TRPC4AP: variants seen among roughly 807,000 people sequenced by gnomAD.
The protein encoded by TRPC4AP is transient receptor potential cation channel subfamily C member 4 associated protein.
A neutral mutation model predicts 99.0 loss-of-function variants in TRPC4AP; 45 were observed. That is an observed-to-expected ratio of 0.45 (90% CI 0.36 to 0.58). The LOEUF (loss-of-function observed/expected upper bound fraction) is 0.58. Among genes scored for constraint, TRPC4AP ranks in the 20% least tolerant of loss-of-function variants. The probability of loss-of-function intolerance (pLI) is 0.00; values close to 1 mark genes in which losing one functional copy is unlikely to be tolerated. For synonymous variants in TRPC4AP, 408 were observed against 385.8 expected, an observed-to-expected ratio of 1.06 and a Z score of -0.67; for missense variants, 879 against 985.3, an observed-to-expected ratio of 0.89 and a Z score of 1.44.
At chr20:35,043,043 A>G (rs1284338694) in intron 7 of TRPC4AP, among the ~76,000 whole-genome samples, 1 of 128,728 alleles carries the variant, frequency 7.8e-6, no homozygotes, top group Non-Finnish European at 1.8e-5. Context: ...TACAAAAACT[A>G]TACCATATAC....
At chr20:35,029,813 T>G (rs2083132513) in intron 8 of TRPC4AP, among the ~76,000 whole-genome samples, 1 of 149,336 alleles carries the variant, frequency 6.7e-6, no homozygotes, top group Admixed American at 6.6e-5. Context: ...TTTTTTTGTA[T>G]TTTTAGTAGA....
At chr20:35,067,735 G>A (rs1046351978) in intron 3 of TRPC4AP, among the ~76,000 whole-genome samples, 1 of 152,134 alleles carries the variant, frequency 6.6e-6, no homozygotes, top group African/African-American at 2.4e-5. Context: ...ATTACGCTAA[G>A]TGAAAAGAAG....
chr20:35,070,458 T>G (rs1291894926), intron 2 of TRPC4AP, among the ~76,000 whole-genome samples: 5 of 152,008 alleles, frequency 3.3e-5, no homozygotes, highest in Non-Finnish European at 7.4e-5. Context: ...CCACCCAGGC[T>G]GGAGTGCAGT....
At position 35,066,173 on chromosome 20, in the gene TRPC4AP, G is replaced by A. The variant is rs8118469; in HGVS notation, c.414+3123C>T. Among the ~76,000 whole-genome samples the A allele has an allele frequency of 3.2e-3, 491 of 151,972 alleles. 3 individuals carry two copies. The highest frequency in any genetic ancestry group is 0.012 in the African/African-American group (479 of 41,446). On this transcript the variant is annotated intron_variant, in intron 3 of 18. Coordinates refer to ENST00000252015, the MANE Select transcript of TRPC4AP (RefSeq NM_015638.3). ...AGGCTGCAGTTCATGGTGCGATCTC[G>A]GCTCACTGTAGCCTCAACCTCCCGG...
intron 4 of TRPC4AP, among the ~76,000 whole-genome samples, chr20:35,055,239 G>A (rs1258859404): frequency 2.6e-5 from 4 of 152,098 alleles, no homozygotes; most frequent in Non-Finnish European, 5.9e-5. Context: ...CTTTTGGTTT[G>A]ATACAGCAGC....
chr20:35,068,946 T>TACACACAC (rs71196783), intron 3 of TRPC4AP, among the ~76,000 whole-genome samples: 6 of 113,184 alleles, frequency 5.3e-5, no homozygotes, highest in South Asian at 2.6e-4. Context: ...GGGGAATATT[T>TACACACAC]ACACACACAC....
chr20:35,038,704 G>A (rs943426151), intron 7 of TRPC4AP, among the ~76,000 whole-genome samples: 2 of 152,246 alleles, frequency 1.3e-5, no homozygotes, highest in South Asian at 4.1e-4. Flanking sequence ...GTTACCACAG[G>A]GAGGGGAACA....
chr20:35,007,771 A>C, intron 13 of TRPC4AP, 131 bp from the exon 14 acceptor site: 1 of 924,534 alleles, frequency 1.1e-6, no homozygotes, highest in South Asian at 1.5e-5. Flanking sequence ...ACCAAGCATC[A>C]GGCTTCATCC....
intron 10 of TRPC4AP, among the ~76,000 whole-genome samples, chr20:35,015,646 G>A (rs2082737544): frequency 6.6e-6 from 1 of 151,100 alleles, no homozygotes; most frequent in African/African-American, 2.4e-5. Context: ...TATTTTTAGT[G>A]AGAGACGCAA....
In TRPC4AP at chr20:35,002,437, A is replaced by G; in HGVS notation, c.*709T>C. The G allele has an allele frequency of 2.5e-6, 1 of 400,702 alleles. No homozygotes were observed. The allele number at this position is 400,702 out of a possible 1,614,324, so 24.8% of individuals were successfully genotyped here. A position where few individuals can be genotyped will look rare whatever the true frequency, so the allele number is the denominator to read the frequency against. Reference sequence around the variant, plus strand: ...AAAATAAAGTTATTTAATAGTCTCCATTTAATTGGTTTATTTGCTGTTAAT... The same window carrying G: ...AAAATAAAGTTATTTAATAGTCTCCGTTTAATTGGTTTATTTGCTGTTAAT... On this transcript the variant is annotated 3_prime_UTR_variant, in exon 19 of 19. Transcript: ENST00000252015.
intron 6 of TRPC4AP, among the ~76,000 whole-genome samples, chr20:35,048,598 G>C (rs1213374906): frequency 1.3e-5 from 2 of 152,138 alleles, no homozygotes; most frequent in Non-Finnish European, 2.9e-5. Flanking sequence ...CCCAGTTTAT[G>C]GTGTTTCCAC....
intron 7 of TRPC4AP, among the ~76,000 whole-genome samples, chr20:35,042,984 A>C (rs549283534): frequency 6.6e-6 from 1 of 152,298 alleles, no homozygotes; most frequent in Admixed American, 6.5e-5. Flanking sequence ...TTCTTTAGGC[A>C]TACCATATAT....
intron 9 of TRPC4AP, among the ~76,000 whole-genome samples, chr20:35,018,604 GAAAA>G (rs11479211): frequency 6.7e-5 from 6 of 88,950 alleles, no homozygotes; most frequent in African/African-American, 2.1e-4. Flanking sequence ...CTCAAAAAAA[GAAAA>G]AAAAAAAAAA....
At chr20:35,007,712 T>TG (rs2082543870) in intron 13 of TRPC4AP, 72 bp from the exon 14 acceptor site, 1 of 1,509,336 alleles carries the variant, frequency 6.6e-7, no homozygotes, top group African/African-American at 1.4e-5. Context: ...TCCAAGGGGT[T>TG]GGGAGATGTT....
At chr20:35,050,290 T>G (rs1052714893) in intron 5 of TRPC4AP, among the ~76,000 whole-genome samples, 1 of 152,178 alleles carries the variant, frequency 6.6e-6, no homozygotes, top group Non-Finnish European at 1.5e-5. Flanking sequence ...CATTCTTAAA[T>G]CTGAAATCAA....
intron 11 of TRPC4AP, among the ~76,000 whole-genome samples, chr20:35,011,802 C>G (rs1225960711): frequency 1.3e-5 from 2 of 152,240 alleles, no homozygotes; most frequent in Non-Finnish European, 2.9e-5. Context: ...GCTGACACTT[C>G]AGGTCTTGGC....
In TRPC4AP at chr20:35,084,676, A is replaced by G. The variant is rs71337964; in HGVS notation, c.169-6502T>C. ...TATATGCATATATGTGTATATGTAT[A>G]TATGTTTATATGCATATATGTGTAT... On this transcript the variant is annotated intron_variant, in intron 1 of 18. Transcript: ENST00000252015. Among the ~76,000 whole-genome samples the G allele has an allele frequency of 1.9e-3, 245 of 128,264 alleles. 3 individuals are homozygous for G. Among genetic ancestry groups the G allele is most frequent in the African/African-American group, 5.4e-3 (143 of 26,720 alleles). 84.1% of individuals were successfully genotyped at this position (128,264 alleles called of 152,430 possible). A position where few individuals can be genotyped will look rare whatever the true frequency, so the allele number is the denominator to read the frequency against.
intron 7 of TRPC4AP, among the ~76,000 whole-genome samples, chr20:35,044,067 G>A (rs1386861258): frequency 3.3e-5 from 5 of 152,044 alleles, no homozygotes. Flanking sequence ...TACATACTAG[G>A]AGCCTTCACA....
chr20:35,065,067 C>G (rs1436610688), intron 3 of TRPC4AP, among the ~76,000 whole-genome samples: 1 of 152,142 alleles, frequency 6.6e-6, no homozygotes, highest in Non-Finnish European at 1.5e-5. Flanking sequence ...CACATTCATC[C>G]AAGTAAGACG....
Sources: allele counts gnomAD v4.1 joint callset (sites outside exome capture counted in the v4.1 genomes callset), GRCh38; gene constraint gnomAD v4.1.1; transcripts MANE v1.5; gene names NCBI Gene and HGNC (gene_info 2026-07-23, HGNC 2026-07-21).